ANKLE2: variants seen among roughly 807,000 people sequenced by gnomAD.
The protein encoded by ANKLE2 is ankyrin repeat and LEM domain containing 2.
ANKLE2 carries 55 observed loss-of-function variants against 84.2 expected under a neutral mutation model. That is an observed-to-expected ratio of 0.65 (90% CI 0.53 to 0.82). ANKLE2 has a LOEUF of 0.82. Ranked by LOEUF, ANKLE2 falls within the 40% of genes least tolerant of loss-of-function variation. ANKLE2 has a pLI of 0.00. For missense variants in ANKLE2, 1,238 were observed against 1,201.9 expected (o/e 1.03, Z -0.44); for synonymous variants, 551 against 486.1 (o/e 1.13, Z -1.76).
intron 10 of ANKLE2, chr12:132,730,639 T>C (rs996850652): frequency 4.1e-5 from 10 of 242,674 alleles, no homozygotes; most frequent in African/African-American, 6.7e-5. Flanking sequence ...CTGGGCAACA[T>C]AGCGAAACCC....
chr12:132,728,630 T>C (rs2043759637), intron 11 of ANKLE2, among the ~76,000 whole-genome samples: 1 of 152,194 alleles, frequency 6.6e-6, no homozygotes, highest in Non-Finnish European at 1.5e-5. Flanking sequence ...AGCAGCAGCA[T>C]GTCAGGGCAT....
At position 132,741,501 on chromosome 12, in the gene ANKLE2, G is replaced by T. The variant is rs763849905; in HGVS notation, c.1354-16C>A. ...CACAAATTACCTATTGGAAAAAAAA[G>T]TGTGTCTAAATCTTATTTGATCGCA... On this transcript the variant is annotated splice_polypyrimidine_tract_variant and intron_variant, in intron 6 of 12. Transcript: ENST00000357997. 19 of 1,611,120 alleles carry T rather than the reference G, an allele frequency of 1.2e-5. No individual in the cohort carries two copies. Among genetic ancestry groups the T allele is most frequent in the Non-Finnish European group, 1.5e-5 (18 of 1,177,452 alleles).
rs1480214140 is a variant in ANKLE2, at chr12:132,734,513, A to G, written c.1763T>C (p.Val588Ala). ...VEYWEFLGCF[V>A]DLSSQEGLQR... is the part of the protein sequence containing the mutation. ...CAGGCCTTCCTGGGAAGACAGATCA[A>G]CAAAACAGCCCAGAAATTCCCAGTA... Residue 588 changes from valine to alanine, a missense_variant, in exon 10 of 13, where the codon GTT becomes GCT. Coordinates refer to ENST00000357997, the MANE Select transcript of ANKLE2 (RefSeq NM_015114.3). The G allele has an allele frequency of 6.2e-7, 1 of 1,614,140 alleles. No homozygotes were observed. The highest frequency in any genetic ancestry group is 2.2e-5 in the East Asian group (1 of 44,884).
In ANKLE2 at chr12:132,734,392, G is replaced by C; in HGVS notation, c.1884C>G (p.Thr628=). Residue 628 remains threonine, a synonymous_variant, in exon 10 of 13, where the codon ACC becomes ACG. Coordinates refer to ENST00000357997, the MANE Select transcript of ANKLE2 (RefSeq NM_015114.3). ...ACGCCTGCACATGCTTACCAGACGTGGTGGCTTTATCTCGGCAGGAGGCTT... is the reference window on the plus strand; with the variant it reads ...ACGCCTGCACATGCTTACCAGACGTCGTGGCTTTATCTCGGCAGGAGGCTT... ...EREASCRDKA[T]TSGSNSISVR... is the part of the protein sequence containing the mutation. 1 of 1,613,978 alleles carries C rather than the reference G, an allele frequency of 6.2e-7. No homozygotes were observed. The highest frequency in any genetic ancestry group is 1.7e-5 in the Admixed American group (1 of 59,958).
rs1358137672 is a variant in ANKLE2 at position 132,732,278 on chromosome 12, TGGTGTCTG to T, written c.1892-2016_1892-2009del. 2.3e-5 allele frequency: 3 copies of T among 131,418 alleles called. No individual in the cohort carries two copies. The East Asian group carries it at 6.5e-4, about 28-fold the overall frequency. The allele number at this position is 131,418 out of a possible 1,614,324, so 8.1% of individuals were successfully genotyped here. A position where few individuals can be genotyped will look rare whatever the true frequency, so the allele number is the denominator to read the frequency against. On this transcript the variant is annotated intron_variant, in intron 10 of 12. Coordinates refer to ENST00000357997, the MANE Select transcript of ANKLE2 (RefSeq NM_015114.3). ...GCACCGTGTGAAGCGCTCTGCATCC[TGGTGTCTG>T]ATACGCACCGTGTGAAGCTCTCTGC...
intron 11 of ANKLE2, 65 bp from the exon 12 acceptor site, chr12:132,728,228 A>T: frequency 4.5e-6 from 7 of 1,555,016 alleles, no homozygotes; most frequent in African/African-American, 1.4e-5. Flanking sequence ...CTAAAATACC[A>T]CTACTTTTTT....
rs372030991 is a variant in ANKLE2, at chr12:132,727,431, G to A, written c.2628C>T (p.Pro876=). ...GAGACTTGAACCTTCCTTTCACCGC[G>A]GGACTGGGCCAACTGCGGAAAGCAA... ...SPSDRQSWPS[P]AVKGRFKSQL... The change falls in exon 13 of 13, where the codon CCC becomes CCT. Residue 876 remains proline (P), a synonymous_variant. Coordinates refer to ENST00000357997, the MANE Select transcript of ANKLE2 (RefSeq NM_015114.3). 32 of 1,555,862 alleles carry A rather than the reference G, an allele frequency of 2.1e-5. No homozygotes were observed. Among genetic ancestry groups the A allele is most frequent in the Middle Eastern group, 3.3e-4 (2 of 6,018 alleles).
intron 7 of ANKLE2, chr12:132,737,398 G>A (rs943854412): frequency 1.9e-4 from 41 of 214,022 alleles, no homozygotes; most frequent in African/African-American, 8.4e-4. Flanking sequence ...CACAGTAGGA[G>A]CTTAATACAT....
In ANKLE2 at chr12:132,739,724, G is replaced by A. The variant is rs991954864; in HGVS notation, c.1420+1695C>T. 4.6e-5 allele frequency among the ~76,000 whole-genome samples: 7 copies of A among 152,314 alleles called. No individual in the cohort carries two copies. The East Asian group carries it at 5.8e-4, about 13-fold the overall frequency. On this transcript the variant is annotated intron_variant, in intron 7 of 12. Transcript: ENST00000357997. Reference sequence around the variant, plus strand: ...AAGCGTGGGTCTCTCTCTGAGTGACGGGAAGGGTGGGATGCAGGATGCAGC... The same window carrying A: ...AAGCGTGGGTCTCTCTCTGAGTGACAGGAAGGGTGGGATGCAGGATGCAGC...
intron 5 of ANKLE2, chr12:132,745,540 C>A: frequency 6.5e-6 from 1 of 153,290 alleles, no homozygotes; most frequent in South Asian, 2.0e-4. Context: ...CAGAAGACCT[C>A]AACCAAGACA....
chr12:132,727,969 T>G, intron 12 of ANKLE2, 63 bp downstream of exon 12: 1 of 1,558,370 alleles, frequency 6.4e-7, no homozygotes, highest in Non-Finnish European at 8.6e-7. Context: ...GAAGTGGAAC[T>G]GGACCCTGCA....
At chr12:132,759,538 T>C (rs978456511) in intron 1 of ANKLE2, 4 of 152,162 alleles carry the variant, frequency 2.6e-5, no homozygotes, top group African/African-American at 9.7e-5. Flanking sequence ...ATATGTGCTA[T>C]ATGATATACA....
At chr12:132,732,719 T>A (rs1291643893) in intron 10 of ANKLE2, among the ~76,000 whole-genome samples, 4 of 78,092 alleles carry the variant, frequency 5.1e-5, no homozygotes, top group Admixed American at 2.6e-4. Context: ...CGTGTGAAGC[T>A]CTCTGCGTCC....
rs760982214 is a variant in ANKLE2, at chr12:132,741,400, C to G, written c.1420+19G>C. On this transcript the variant is annotated intron_variant, in intron 7 of 12. Coordinates refer to ENST00000357997, the MANE Select transcript of ANKLE2 (RefSeq NM_015114.3). ...CCCGGCGTGGACCCCACGATCCAGG[C>G]ACCAACTCCCCATCTTACCCTTTAA... The G allele has an allele frequency of 1.2e-6, 2 of 1,613,586 alleles. No individual in the cohort carries two copies. The highest frequency in any genetic ancestry group is 2.2e-5 in the South Asian group (2 of 90,872).
In ANKLE2 at chr12:132,743,337, G is replaced by T. The variant is rs770235532; in HGVS notation, c.1231-61C>A. The T allele has an allele frequency of 6.6e-7, 1 of 1,512,022 alleles. No individual in the cohort carries two copies. The highest frequency in any genetic ancestry group is 1.4e-5 in the African/African-American group (1 of 71,134). 93.7% of individuals were successfully genotyped at this position (1,512,022 alleles called of 1,614,324 possible). A position where few individuals can be genotyped will look rare whatever the true frequency, so the allele number is the denominator to read the frequency against. On this transcript the variant is annotated intron_variant, in intron 5 of 12. Transcript: ENST00000357997. The surrounding 1 kb of genome is among the most constrained non-coding windows in gnomAD (Gnocchi z 4.1). ...ACTTGTCTCATGAGGTTGCTCTAAG[G>T]TGAAAATACATATTCATTCATTCAT...
intron 11 of ANKLE2, among the ~76,000 whole-genome samples, chr12:132,728,737 C>T (rs1426382197): frequency 6.6e-6 from 1 of 152,202 alleles, no homozygotes; most frequent in Non-Finnish European, 1.5e-5. Flanking sequence ...GGAGTCGCCT[C>T]TGGGTGCACG....
chr12:132,748,250 G>C lies in ANKLE2; in HGVS notation c.929C>G (p.Thr310Ser). The C allele has an allele frequency of 6.2e-7, 1 of 1,614,170 alleles. No homozygotes were observed. Among genetic ancestry groups the C allele is most frequent in the South Asian group, 1.1e-5 (1 of 91,072 alleles). ...SYKNPRTQDL[T>S]AKLRKAVEKG... ...CTCCACAGCTTTCCGAAGCTTGGCG[G>C]TGAGGTCCTGCGTGCGGGGATTTTT... The change falls in exon 4 of 13, where the codon ACC (threonine) becomes AGC (serine). Residue 310 changes from threonine to serine, a missense_variant. Transcript: ENST00000357997.
At chr12:132,735,707 G>A (rs1350567109) in intron 8 of ANKLE2, among the ~76,000 whole-genome samples, 195 bp from the exon 9 acceptor site, 1 of 152,152 alleles carries the variant, frequency 6.6e-6, no homozygotes, top group African/African-American at 2.4e-5. Context: ...ACTCTGACCT[G>A]GGGGAGGGGA....
intron 10 of ANKLE2, chr12:132,730,560 C>T (rs185113960): frequency 2.5e-5 from 10 of 397,972 alleles, no homozygotes; most frequent in Non-Finnish European, 4.1e-5. Context: ...CAGAAGCTCA[C>T]GCCTGCAATC....
Sources: allele counts gnomAD v4.1 joint callset (sites outside exome capture counted in the v4.1 genomes callset), GRCh38; gene constraint gnomAD v4.1.1; non-coding constraint Gnocchi (gnomAD v3.1); transcripts MANE v1.5; gene names NCBI Gene and HGNC (gene_info 2026-07-23, HGNC 2026-07-21).